Variants in ZNHIT3 observed in about 807,000 individuals in gnomAD.
The protein encoded by ZNHIT3 is zinc finger HIT-type containing 3.
ZNHIT3 carries 27 observed loss-of-function variants against 19.9 expected under a neutral mutation model. The ratio of observed to expected loss-of-function variants is 1.36; its 90% CI spans 1.00 to 1.87. The LOEUF is 1.87. Ranked by LOEUF, ZNHIT3 falls within the 40% of genes most tolerant of loss-of-function variation. The probability of loss-of-function intolerance (pLI) is 0.00; values close to 1 mark genes in which losing one functional copy is unlikely to be tolerated. For missense variants in ZNHIT3, 215 were observed against 185.6 expected, an observed-to-expected ratio of 1.16 and a Z score of -0.92; for synonymous variants, 81 against 65.7, an observed-to-expected ratio of 1.23 and a Z score of -1.13.
rs2142565440 is a variant in ZNHIT3, at chr17:36,495,688, T to C, written c.*284T>C. 1.6e-6 allele frequency: 2 copies of C among 1,265,718 alleles called. No homozygotes were observed. The highest frequency in any genetic ancestry group is 2.0e-6 in the Non-Finnish European group (2 of 1,007,966). 78.4% of individuals were successfully genotyped at this position (1,265,718 alleles called of 1,614,324 possible). On this transcript the variant is annotated 3_prime_UTR_variant, in exon 5 of 5. Transcript: ENST00000617429. ...CAGTTGATAGACATCATAAACGATA[T>C]CAAGCTTACACTTCATATGGAGTTA...
At chr17:36,496,160 G>A (rs1178142211), downstream of ZNHIT3, 15 of 1,511,026 alleles carry the variant, frequency 9.9e-6, no homozygotes, top group Non-Finnish European at 1.1e-5. Context: ...TTGGAGCACT[G>A]TGGGAATAGT....
At chr17:36,488,924 C>G (rs1599144579) in intron 2 of ZNHIT3, among the ~76,000 whole-genome samples, 2 of 152,206 alleles carry the variant, frequency 1.3e-5, no homozygotes. Context: ...TTCCTCCCAT[C>G]TAGCTGTAAT....
Position 36,486,736 on chromosome 17 carries a change from A to G in ZNHIT3, c.37A>G (p.Ile13Val), listed in dbSNP as rs781548748. 1.2e-6 allele frequency: 2 copies of G among 1,613,846 alleles called. No individual in the cohort carries two copies. Among genetic ancestry groups the G allele is most frequent in the Non-Finnish European group, 1.7e-6 (2 of 1,179,898 alleles). The change falls in exon 1 of 5, where the codon ATC becomes GTC. Residue 13 changes from isoleucine to valine, a missense_variant. By Grantham distance (29) the Ile-to-Val change is conservative. Transcript: ENST00000617429. ...SLKCSTVVCV[I>V]CLEKPKYRCP... is the part of the protein sequence containing the mutation. Reference sequence around the variant, plus strand: ...CAAATGTAGCACCGTCGTCTGCGTGATCTGCTTGGAGAAGCCCAAATACCG... The same window carrying G: ...CAAATGTAGCACCGTCGTCTGCGTGGTCTGCTTGGAGAAGCCCAAATACCG...
intron 1 of ZNHIT3, 65 bp from the exon 2 acceptor site, chr17:36,486,870 G>A: frequency 6.3e-7 from 1 of 1,587,158 alleles, no homozygotes; most frequent in Non-Finnish European, 8.5e-7. Flanking sequence ...GGCGGGAGCG[G>A]GCGGGCTGCT....
intron 3 of ZNHIT3, among the ~76,000 whole-genome samples, chr17:36,493,429 G>A (rs533860568): frequency 6.6e-6 from 1 of 152,368 alleles, no homozygotes; most frequent in African/African-American, 2.4e-5. Context: ...CCACCAAAGA[G>A]GTATTGAACA....
chr17:36,489,625 A>AT (rs61263050), intron 2 of ZNHIT3: 2,580 of 139,550 alleles, frequency 0.018, 49 homozygotes, highest in African/African-American at 0.054. Flanking sequence ...TCATTTGCCC[A>AT]TTTTTTTTTT....
At chr17:36,488,093 CA>C (rs369196891) in intron 2 of ZNHIT3, among the ~76,000 whole-genome samples, 34,260 of 85,094 alleles carry the variant, frequency 0.4, 3,162 homozygotes, top group African/African-American at 0.5. Flanking sequence ...AAGACTGTCT[CA>C]AAAAAAAAAA....
chr17:36,489,052 A>T (rs1453546494), intron 2 of ZNHIT3: 1 of 152,244 alleles, frequency 6.6e-6, no homozygotes, highest in Non-Finnish European at 1.5e-5. Context: ...TCCACATGTT[A>T]ACAAGAACAT....
downstream of ZNHIT3, chr17:36,498,133 G>A: frequency 1.1e-6 from 1 of 918,874 alleles, no homozygotes; most frequent in East Asian, 2.6e-5. Flanking sequence ...GGGACATGCA[G>A]CCCTCTGGTT....
chr17:36,496,228 T>C (rs747937044), downstream of ZNHIT3: 4 of 1,612,798 alleles, frequency 2.5e-6, no homozygotes, highest in Admixed American at 3.3e-5. Context: ...GAAAAGGCCT[T>C]GTGGAAACAA....
intron 2 of ZNHIT3, among the ~76,000 whole-genome samples, chr17:36,488,111 AAG>A (rs1491017145): frequency 1.3e-5 from 2 of 151,604 alleles, no homozygotes; most frequent in African/African-American, 2.4e-5. Flanking sequence ...AAAAAAAAAA[AAG>A]CTTGATGTAG....
At chr17:36,498,285 G>C (rs760637363), downstream of ZNHIT3, 6 of 1,612,608 alleles carry the variant, frequency 3.7e-6, no homozygotes, top group Middle Eastern at 1.7e-4. Context: ...CGCTCGGATG[G>C]ACGTGACACC....
chr17:36,495,295 G>T lies in ZNHIT3; in HGVS notation c.359G>T (p.Gly120Val). Reference sequence around the variant, plus strand: ...CAGTTGATGGTCAACCTCGATCAGGGAGAAGACAAAGCAAAGCTCATGAGA... The same window carrying T: ...CAGTTGATGGTCAACCTCGATCAGGTAGAAGACAAAGCAAAGCTCATGAGA... ...LRQLMVNLDQ[G>V]EDKAKLMRAY... Residue 120 changes from glycine (G) to valine (V), a missense_variant, in exon 5 of 5, where the codon GGA (glycine) becomes GTA (valine). By Grantham distance (109) the Gly-to-Val change is moderately radical. Transcript: ENST00000617429. 6.2e-7 allele frequency: 1 copy of T among 1,613,854 alleles called. No homozygotes were observed. The highest frequency in any genetic ancestry group is 1.3e-5 in the African/African-American group (1 of 75,024).
rs918336803 is a variant in ZNHIT3, at chr17:36,495,697, C to T, written c.*293C>T. 2.4e-6 allele frequency: 3 copies of T among 1,260,656 alleles called. No individual in the cohort carries two copies. Among genetic ancestry groups the T allele is most frequent in the Non-Finnish European group, 3.0e-6 (3 of 1,005,030 alleles). 78.1% of individuals were successfully genotyped at this position (1,260,656 alleles called of 1,614,324 possible). A position where few individuals can be genotyped will look rare whatever the true frequency, so the allele number is the denominator to read the frequency against. ...GACATCATAAACGATATCAAGCTTA[C>T]ACTTCATATGGAGTTAAACTTGGTC... On this transcript the variant is annotated 3_prime_UTR_variant, in exon 5 of 5. Transcript: ENST00000617429.
At chr17:36,488,710 T>C (rs2070650673) in intron 2 of ZNHIT3, among the ~76,000 whole-genome samples, 1 of 152,230 alleles carries the variant, frequency 6.6e-6, no homozygotes, top group Non-Finnish European at 1.5e-5. Context: ...AATTGACACA[T>C]AATTGCATAC....
At chr17:36,492,686 C>T (rs2070754364) in intron 2 of ZNHIT3, 127 bp from the exon 3 acceptor site, 2 of 772,114 alleles carry the variant, frequency 2.6e-6, no homozygotes, top group Admixed American at 4.6e-5. Flanking sequence ...CTTCCACATT[C>T]CTGGGCACCC....
downstream of ZNHIT3, chr17:36,498,347 G>A: frequency 6.2e-7 from 1 of 1,614,026 alleles, no homozygotes; most frequent in Non-Finnish European, 8.5e-7. Context: ...TGCCCCTGGG[G>A]AGCTGGAGGC....
In ZNHIT3 at chr17:36,492,887, G is replaced by C. The variant is rs934369557; in HGVS notation, c.193G>C (p.Val65Leu). Residue 65 changes from valine (V) to leucine (L), a missense_variant, in exon 3 of 5, where the codon GTG (valine) becomes CTG (leucine). By Grantham distance (32) the Val-to-Leu change is conservative. Transcript: ENST00000617429. The stretch of plus-strand genomic sequence containing the variant: ...TCTTCCTACCAAAACCGTAAAGCCT[G>C]TGGAAAACAAAGGTGGGTTGGTTGA... Reference protein sequence around the residue: ...SALPTKTVKPVENKDDDDSIA... With the variant: ...SALPTKTVKPLENKDDDDSIA... 2 of 1,614,204 alleles carry C rather than the reference G, an allele frequency of 1.2e-6. No homozygotes were observed. The highest frequency in any genetic ancestry group is 4.5e-5 in the East Asian group (2 of 44,894).
chr17:36,498,708 G>T, downstream of ZNHIT3: 1 of 832,930 alleles, frequency 1.2e-6, no homozygotes, highest in Non-Finnish European at 1.8e-6. Context: ...AACCAAACTG[G>T]TTCCATATGC....
Sources: gnomAD v4.1 joint callset for allele counts (sites outside exome capture counted in the v4.1 genomes callset) on GRCh38, gnomAD v4.1.1 for gene constraint, MANE v1.5 for transcripts, NCBI Gene and HGNC (gene_info 2026-07-23, HGNC 2026-07-21) for gene names.